RNF43: variants seen among roughly 807,000 people sequenced by gnomAD.
RNF43 encodes ring finger protein 43, also known as E3 ubiquitin-protein ligase RNF43.
RNF43 carries 37 observed loss-of-function variants against 78.4 expected under a neutral mutation model. The ratio of observed to expected loss-of-function variants is 0.47; its 90% CI spans 0.36 to 0.62. The LOEUF is 0.62. Among genes scored for constraint, RNF43 ranks in the 20% least tolerant of loss-of-function variants. RNF43 has a pLI of 0.00. For synonymous variants in RNF43, 347 were observed against 395.0 expected, an observed-to-expected ratio of 0.88 and a Z score of 1.44; for missense variants, 774 against 1,007.9, an observed-to-expected ratio of 0.77 and a Z score of 3.14.
At chr17:58,386,521 T>C (rs1973440229) in intron 2 of RNF43, among the ~76,000 whole-genome samples, 1 of 152,208 alleles carries the variant, frequency 6.6e-6, no homozygotes, top group Non-Finnish European at 1.5e-5. Flanking sequence ...TTCCTGCACA[T>C]AGTAATCACT....
At chr17:58,370,808 T>C (rs1973077261) in intron 3 of RNF43, 103 bp downstream of exon 3, 13 of 1,286,454 alleles carry the variant, frequency 1.0e-5, no homozygotes, top group Non-Finnish European at 1.2e-5. Context: ...GGGAATCAGG[T>C]ACATCACTCT....
At chr17:58,392,325 C>G (rs1417192350) in intron 2 of RNF43, among the ~76,000 whole-genome samples, 1 of 152,204 alleles carries the variant, frequency 6.6e-6, no homozygotes, top group Admixed American at 6.5e-5. Flanking sequence ...CAAATACATA[C>G]TTCATATTAA....
intron 2 of RNF43, among the ~76,000 whole-genome samples, chr17:58,395,342 T>C (rs754969856): frequency 6.6e-6 from 1 of 152,232 alleles, no homozygotes; most frequent in African/African-American, 2.4e-5. Context: ...GCTTTAAATG[T>C]ATATACAACT....
chr17:58,396,149 TC>T, intron 2 of RNF43, among the ~76,000 whole-genome samples: 2 of 152,268 alleles, frequency 1.3e-5, no homozygotes, highest in African/African-American at 4.8e-5. Flanking sequence ...ACAGGCCTGC[TC>T]ATCAAAATCC....
At position 58,405,139 on chromosome 17, in the gene RNF43, A is replaced by G. The variant is rs1358089295; in HGVS notation, c.252+10187T>C. On this transcript the variant is annotated intron_variant, in intron 2 of 9. Coordinates refer to ENST00000407977, the MANE Select transcript of RNF43 (RefSeq NM_017763.6). ...GTCGCCCAGGCTGGAGTGCAGTGGC[A>G]CCATCTCGGCTCACTGCAAGCTCCA... Among the ~76,000 whole-genome samples the G allele has an allele frequency of 2.3e-4, 30 of 128,446 alleles. 1 individual carries two copies. The Admixed American group carries it at 2.8e-3, about 12-fold the overall frequency. 84.3% of individuals were successfully genotyped at this position (128,446 alleles called of 152,430 possible).
At chr17:58,410,516 T>G (rs1271338612) in intron 2 of RNF43, among the ~76,000 whole-genome samples, 3 of 152,272 alleles carry the variant, frequency 2.0e-5, no homozygotes, top group African/African-American at 7.2e-5. Flanking sequence ...ATATCTACTC[T>G]GTACTTCTTC....
intron 4 of RNF43, 58 bp downstream of exon 4, chr17:58,363,468 A>G: frequency 6.2e-7 from 1 of 1,613,182 alleles, no homozygotes; most frequent in African/African-American, 1.3e-5. Flanking sequence ...CTCTCCCCTG[A>G]GAGCTTTATC....
chr17:58,357,365 T>G lies in RNF43; in HGVS notation c.2308+103A>C. ...TTTGGTTGTCATCTCTGCTGTATCC[T>G]TCTCAGCTTCCATCAACCCTTTGTT... On this transcript the variant is annotated intron_variant, in intron 9 of 9. Transcript: ENST00000407977. This position sits in a 1 kb window ranked among gnomAD's most constrained non-coding sequence, Gnocchi z 4.5. 1.4e-6 allele frequency: 2 copies of G among 1,446,298 alleles called. No homozygotes were observed. The highest frequency in any genetic ancestry group is 1.9e-6 in the Non-Finnish European group (2 of 1,029,556). 89.6% of individuals were successfully genotyped at this position (1,446,298 alleles called of 1,614,324 possible).
rs2143466209 is a variant in RNF43, at chr17:58,363,274, C to T, written c.582+1G>A. On this transcript the variant is annotated splice_donor_variant, in intron 5 of 9. Coordinates refer to ENST00000407977, the MANE Select transcript of RNF43 (RefSeq NM_017763.6). LOFTEE classifies it high-confidence loss of function. ...AAGGTCTGGAGGTCTAGTGTGCTTACCCAGGCCGGGGGCTCCTTCAGCTCA... is the reference window on the plus strand; with the variant it reads ...AAGGTCTGGAGGTCTAGTGTGCTTATCCAGGCCGGGGGCTCCTTCAGCTCA... The T allele has an allele frequency of 6.2e-7, 1 of 1,613,394 alleles. No individual in the cohort carries two copies. Among genetic ancestry groups the T allele is most frequent in the Non-Finnish European group, 8.5e-7 (1 of 1,179,984 alleles).
Position 58,357,287 on chromosome 17 carries a change from G to A in RNF43, c.2308+181C>T. ...TAAAGGGGTAGCACCTGGCAGAGGT[G>A]GGGTGTTCCTGCACTCTAGCCAGCA... On this transcript the variant is annotated intron_variant, in intron 9 of 9. Coordinates refer to ENST00000407977, the MANE Select transcript of RNF43 (RefSeq NM_017763.6). This position sits in a 1 kb window ranked among gnomAD's most constrained non-coding sequence, Gnocchi z 4.5. 1 of 797,542 alleles carries A rather than the reference G, an allele frequency of 1.3e-6. No homozygotes were observed. Among genetic ancestry groups the A allele is most frequent in the South Asian group, 1.4e-5 (1 of 69,748 alleles). The allele number at this position is 797,542 out of a possible 1,614,324, so 49.4% of individuals were successfully genotyped here. A position where few individuals can be genotyped will look rare whatever the true frequency, so the allele number is the denominator to read the frequency against.
intron 3 of RNF43, among the ~76,000 whole-genome samples, chr17:58,370,060 G>GGTTTTTT (rs766887725): frequency 1.0e-5 from 1 of 96,238 alleles, no homozygotes; most frequent in African/African-American, 4.4e-5. Context: ...GAAAATCTGA[G>GGTTTTTT]TTTTTTTTTT....
chr17:58,397,674 A>G (rs1286115993), intron 2 of RNF43, among the ~76,000 whole-genome samples: 1 of 152,144 alleles, frequency 6.6e-6, no homozygotes, highest in Non-Finnish European at 1.5e-5. Flanking sequence ...AAAAAAAAAA[A>G]AAAAAGTTTG....
At chr17:58,405,391 C>T (rs1973884035) in intron 2 of RNF43, among the ~76,000 whole-genome samples, 1 of 152,156 alleles carries the variant, frequency 6.6e-6, no homozygotes, top group South Asian at 2.1e-4. Flanking sequence ...GTACTTCTTT[C>T]TCTAACTTTA....
At chr17:58,377,664 C>A (rs1973230781) in intron 2 of RNF43, among the ~76,000 whole-genome samples, 1 of 146,732 alleles carries the variant, frequency 6.8e-6, no homozygotes, top group African/African-American at 2.5e-5. Flanking sequence ...AGGAACTCTC[C>A]TCCCCACCCA....
intron 2 of RNF43, among the ~76,000 whole-genome samples, chr17:58,382,124 T>C (rs1370225805): frequency 6.6e-6 from 1 of 152,184 alleles, no homozygotes; most frequent in Non-Finnish European, 1.5e-5. Flanking sequence ...AAATGACACT[T>C]ACCTCTTACT....
chr17:58,395,205 G>C (rs1251544836), intron 2 of RNF43, among the ~76,000 whole-genome samples: 2 of 152,046 alleles, frequency 1.3e-5, no homozygotes, highest in Admixed American at 6.5e-5. Context: ...AATTCCTTTG[G>C]GAAAAAAATA....
rs2143461132 is a variant in RNF43 at position 58,362,658 on chromosome 17, G to A, written c.583-10C>T. On this transcript the variant is annotated splice_polypyrimidine_tract_variant and intron_variant, in intron 5 of 9. Coordinates refer to ENST00000407977, the MANE Select transcript of RNF43 (RefSeq NM_017763.6). ...ACACATCATAATCTGGCTGGGGAGT[G>A]AGCAGAGAGGGAAAGGGTCATACTT... 1.3e-6 allele frequency: 2 copies of A among 1,598,208 alleles called. No homozygotes were observed. The highest frequency in any genetic ancestry group is 1.1e-5 in the South Asian group (1 of 89,684).
At chr17:58,393,703 C>T (rs999695009) in intron 2 of RNF43, among the ~76,000 whole-genome samples, 3 of 152,168 alleles carry the variant, frequency 2.0e-5, no homozygotes, top group Admixed American at 2.0e-4. Flanking sequence ...CATTGTAATA[C>T]TTTCTACAAC....
intron 2 of RNF43, among the ~76,000 whole-genome samples, chr17:58,398,543 C>G (rs1042833758): frequency 6.6e-6 from 1 of 152,032 alleles, no homozygotes; most frequent in Non-Finnish European, 1.5e-5. Flanking sequence ...TTCAAGTGAC[C>G]AGATATTAAA....
Sources: allele counts gnomAD v4.1 joint callset (sites outside exome capture counted in the v4.1 genomes callset), GRCh38; gene constraint gnomAD v4.1.1; non-coding constraint Gnocchi (gnomAD v3.1); transcripts MANE v1.5; gene names NCBI Gene and HGNC (gene_info 2026-07-23, HGNC 2026-07-21).